Variants in CCDC92B observed in about 807,000 individuals in gnomAD.
CCDC92B encodes coiled-coil domain containing 92B.
A neutral mutation model predicts 5.6 loss-of-function variants in CCDC92B; 2 were observed. That is an observed-to-expected ratio of 0.36 (90% confidence interval 0.15 to 1.12). The LOEUF (loss-of-function observed/expected upper bound fraction) is 1.12. CCDC92B is among the 50% of genes most tolerant of loss of function. CCDC92B has a pLI of 0.40. For missense variants in CCDC92B, 271 were observed against 262.2 expected, an observed-to-expected ratio of 1.03 and a Z score of -0.23; for synonymous variants, 115 against 122.3, an observed-to-expected ratio of 0.94 and a Z score of 0.39.
intron 1 of CCDC92B, among the ~76,000 whole-genome samples, chr17:2,739,543 G>A (rs370775898): frequency 3.3e-5 from 5 of 151,774 alleles, no homozygotes; most frequent in Admixed American, 1.3e-4. Flanking sequence ...TTAGCTGGGC[G>A]TGGTGGCGGG....
chr17:2,745,784 G>C (rs61302208), intron 1 of CCDC92B, among the ~76,000 whole-genome samples: 3,044 of 152,232 alleles, frequency 0.02, 120 homozygotes, highest in African/African-American at 0.07. Context: ...GGCTGGAGCT[G>C]TCAGCTCCAT....
At chr17:2,730,811 T>G (rs1339084263) in intron 2 of CCDC92B, among the ~76,000 whole-genome samples, 1 of 152,068 alleles carries the variant, frequency 6.6e-6, no homozygotes, top group Non-Finnish European at 1.5e-5. Flanking sequence ...TGGCTTGTTT[T>G]GGGGCTGGGG....
rs571445697 is a variant in CCDC92B, at chr17:2,729,858, G to A, written c.178+588C>T. On this transcript the variant is annotated intron_variant, in intron 3 of 3. Transcript: ENST00000614400. ...AATTTCTACAATGGCAAGAAGTCAT[G>A]CTTTTGTAAAATGCAGGATTTACTA... Among the ~76,000 whole-genome samples, 22 of 152,292 alleles carry A rather than the reference G, an allele frequency of 1.4e-4. No homozygotes were observed. In the South Asian group the frequency reaches 4.3e-3, roughly 30 times the overall value.
chr17:2,749,290 C>G (rs2151747471), intron 1 of CCDC92B, 121 bp downstream of exon 1: 1 of 152,286 alleles, frequency 6.6e-6, no homozygotes, highest in African/African-American at 2.4e-5. Flanking sequence ...CCGCCTCCCG[C>G]GCGCTGCGGT....
intron 3 of CCDC92B, among the ~76,000 whole-genome samples, chr17:2,726,794 T>C (rs2070736642): frequency 6.6e-6 from 1 of 151,764 alleles, no homozygotes; most frequent in Admixed American, 6.6e-5. Flanking sequence ...ATTTTTGTAT[T>C]TTTACAGATG....
intron 1 of CCDC92B, among the ~76,000 whole-genome samples, chr17:2,743,954 C>T (rs768148176): frequency 2.6e-5 from 4 of 151,952 alleles, no homozygotes; most frequent in Non-Finnish European, 4.4e-5. Context: ...CTCAGCTCAC[C>T]GCAACCTCCA....
At chr17:2,743,797 C>CTCTGCATTCCCTTAA (rs1364811520) in intron 1 of CCDC92B, among the ~76,000 whole-genome samples, 2 of 152,234 alleles carry the variant, frequency 1.3e-5, no homozygotes, top group Non-Finnish European at 2.9e-5. Flanking sequence ...GCTTTTGTTA[C>CTCTGCATTCCCTTAA]TCTGCATTCC....
chr17:2,746,006 A>C (rs765321437), intron 1 of CCDC92B, among the ~76,000 whole-genome samples: 1 of 147,382 alleles, frequency 6.8e-6, no homozygotes, highest in Non-Finnish European at 1.5e-5. Flanking sequence ...CCCGAGATGG[A>C]GTTTTGCTCT....
chr17:2,731,492 G>A (rs563158997), intron 2 of CCDC92B, among the ~76,000 whole-genome samples: 33 of 152,270 alleles, frequency 2.2e-4, no homozygotes, highest in African/African-American at 7.5e-4. Flanking sequence ...GGTGTGAACC[G>A]GGGGTTGGGG....
At position 2,749,578 on chromosome 17, in the gene CCDC92B, C is replaced by T. The variant is rs1258001271; in HGVS notation, c.-191G>A. On this transcript the variant is annotated 5_prime_UTR_variant, in exon 1 of 4. Transcript: ENST00000614400. ...CTGCGGGGCAGTCGGGCCGGGGCTC[C>T]GGGGGGCTCGGGGGCGCCGAAGGGG... 1 of 122,440 alleles carries T rather than the reference C, an allele frequency of 8.2e-6. No individual in the cohort carries two copies. Among genetic ancestry groups the T allele is most frequent in the Non-Finnish European group, 1.7e-5 (1 of 57,422 alleles). 7.6% of individuals were successfully genotyped at this position (122,440 alleles called of 1,614,324 possible).
At chr17:2,742,964 T>C (rs756047782) in intron 1 of CCDC92B, among the ~76,000 whole-genome samples, 1 of 152,216 alleles carries the variant, frequency 6.6e-6, no homozygotes, top group Non-Finnish European at 1.5e-5. Context: ...CTGTTTGCTC[T>C]ACCTTCAAAA....
chr17:2,748,257 C>A, intron 1 of CCDC92B: 1 of 889,468 alleles, frequency 1.1e-6, no homozygotes. Flanking sequence ...ATCTCTGCCT[C>A]TTGAAGCCTG....
chr17:2,729,475 CAA>C, intron 3 of CCDC92B, among the ~76,000 whole-genome samples: 1 of 111,508 alleles, frequency 9.0e-6, no homozygotes, highest in East Asian at 2.6e-4. Flanking sequence ...GCCTGGGCGA[CAA>C]GAGCGAGACT....
intron 1 of CCDC92B, among the ~76,000 whole-genome samples, chr17:2,742,183 T>C (rs1229192067): frequency 1.3e-5 from 2 of 152,042 alleles, no homozygotes; most frequent in Non-Finnish European, 2.9e-5. Context: ...GCTGAGACTC[T>C]ACCTCAGCCT....
chr17:2,726,044 G>A (rs1255062837), intron 3 of CCDC92B, among the ~76,000 whole-genome samples: 1 of 146,924 alleles, frequency 6.8e-6, no homozygotes, highest in Non-Finnish European at 1.5e-5. Flanking sequence ...CGCCAGGCTG[G>A]AGTGCAAGTG....
At chr17:2,743,303 T>C (rs1370334119) in intron 1 of CCDC92B, among the ~76,000 whole-genome samples, 3 of 152,150 alleles carry the variant, frequency 2.0e-5, no homozygotes, top group African/African-American at 4.8e-5. Context: ...TAGTGGCACA[T>C]GCCTGTAGTC....
At chr17:2,748,353 G>C (rs1204336941) in intron 1 of CCDC92B, 2 of 982,228 alleles carry the variant, frequency 2.0e-6, no homozygotes, top group Non-Finnish European at 2.4e-6. Flanking sequence ...ACTCTCTCCC[G>C]CCTCTCTGTT....
chr17:2,726,893 G>A (rs942989806), intron 3 of CCDC92B, among the ~76,000 whole-genome samples: 36 of 149,608 alleles, frequency 2.4e-4, no homozygotes, highest in Non-Finnish European at 2.5e-4. Flanking sequence ...GATTACAGGC[G>A]TGAGCCACCA....
chr17:2,735,001 C>G lies in CCDC92B; in HGVS notation c.130+15G>C. 7 of 985,534 alleles carry G rather than the reference C, an allele frequency of 7.1e-6. No individual in the cohort carries two copies. The highest frequency in any genetic ancestry group is 8.4e-6 in the Non-Finnish European group (7 of 829,986). 61.0% of individuals were successfully genotyped at this position (985,534 alleles called of 1,614,324 possible). A position where few individuals can be genotyped will look rare whatever the true frequency, so the allele number is the denominator to read the frequency against. On this transcript the variant is annotated intron_variant, in intron 2 of 3. Transcript: ENST00000614400. ...GACCTCTCCCCACCCGTCCAGCCGC[C>G]TCTCCTGGCCTCACCTGAGCAGCGT...
Sources: allele counts gnomAD v4.1 joint callset (sites outside exome capture counted in the v4.1 genomes callset), GRCh38; gene constraint gnomAD v4.1.1; transcripts MANE v1.5; gene names NCBI Gene and HGNC (gene_info 2026-07-23, HGNC 2026-07-21).